Variants in BEST1 observed in about 807,000 individuals in gnomAD.
BEST1 encodes bestrophin 1.
Under a neutral mutation model 63.3 loss-of-function variants are expected in BEST1, and 58 were observed. The ratio of observed to expected loss-of-function variants is 0.92; its 90% CI spans 0.74 to 1.14. BEST1 has a LOEUF of 1.14. Ranked by LOEUF, BEST1 falls within the 50% of genes most tolerant of loss-of-function variation. The pLI is 0.00. For missense variants in BEST1, 671 were observed against 740.1 expected (o/e 0.91, Z 1.08); for synonymous variants, 283 against 291.6 (o/e 0.97, Z 0.30).
At chr11:61,950,161 C>T (rs554251975), upstream of BEST1, 74 of 152,614 alleles carry the variant, frequency 4.8e-4, no homozygotes, top group African/African-American at 1.7e-3. Flanking sequence ...TGGTCTCAGC[C>T]CAACACCCTC....
Position 61,962,626 on chromosome 11 carries a change from G to C in BEST1, c.1472G>C (p.Ser491Thr). Residue 491 changes from serine (S) to threonine (T), a missense_variant, in exon 10 of 11, where the codon AGT (serine) becomes ACT (threonine). Ser to Thr is a moderately conservative substitution (Grantham distance 58, BLOSUM62 1). Coordinates refer to ENST00000378043, the MANE Select transcript of BEST1 (RefSeq NM_004183.4). Reference sequence around the variant, plus strand: ...CCATCAGCGCCGTCAAAGCTTCACAGTGTCACAGGCATAGACACCAAAGAC... The same window carrying C: ...CCATCAGCGCCGTCAAAGCTTCACACTGTCACAGGCATAGACACCAAAGAC... Reference protein sequence around the residue: ...LEPSAPSKLHSVTGIDTKDKS... With the variant: ...LEPSAPSKLHTVTGIDTKDKS... 2 of 1,614,186 alleles carry C rather than the reference G, an allele frequency of 1.2e-6. No individual in the cohort carries two copies. Among genetic ancestry groups the C allele is most frequent in the Non-Finnish European group, 1.7e-6 (2 of 1,180,042 alleles).
At chr11:61,957,104 G>A (rs768885579) in intron 5 of BEST1, 106 bp downstream of exon 5, 3 of 1,538,900 alleles carry the variant, frequency 1.9e-6, no homozygotes, top group Admixed American at 3.6e-5. Context: ...AGGGTCTTCC[G>A]AGAGCCTGAG....
At chr11:61,956,691 C>T (rs954524171) in intron 4 of BEST1, among the ~76,000 whole-genome samples, 153 bp from the exon 5 acceptor site, 1 of 152,078 alleles carries the variant, frequency 6.6e-6, no homozygotes, top group African/African-American at 2.4e-5. Context: ...ACATGCTCAG[C>T]CCAGAACAGC....
chr11:61,955,107 G>T lies in BEST1; in HGVS notation c.153G>T (p.Arg51Ser). ...ATTCCACCCCCACCCCCACCCCCAG[G>T]CTGGCCCTCACGGAAGAACAACAGC... is the stretch of plus-strand genomic sequence containing the variant. ...LCYYIIRFIY[R>S]LALTEEQQLM... The change falls in exon 3 of 11, where the codon AGG becomes AGT. Residue 51 changes from arginine to serine, a missense_variant and splice_region_variant. Physicochemically the swap from Arg to Ser is moderately radical, Grantham distance 110. Transcript: ENST00000378043. The T allele has an allele frequency of 7.4e-7, 1 of 1,343,088 alleles. No individual in the cohort carries two copies. The highest frequency in any genetic ancestry group is 1.1e-6 in the Non-Finnish European group (1 of 941,200). 83.2% of individuals were successfully genotyped at this position (1,343,088 alleles called of 1,614,324 possible). A position where few individuals can be genotyped will look rare whatever the true frequency, so the allele number is the denominator to read the frequency against.
chr11:61,964,526 T>G (rs894933953), downstream of BEST1: 6 of 664,464 alleles, frequency 9.0e-6, no homozygotes, highest in African/African-American at 1.8e-5. Flanking sequence ...ATAGCCTGGA[T>G]AGATTTCTGA....
intron 1 of BEST1, among the ~76,000 whole-genome samples, chr11:61,950,629 C>A (rs1401331470): frequency 6.6e-6 from 1 of 152,200 alleles, no homozygotes; most frequent in African/African-American, 2.4e-5. Flanking sequence ...GTGGCTGCAG[C>A]AAAACACACA....
intron 9 of BEST1, 187 bp downstream of exon 9, chr11:61,960,230 C>G: frequency 1.2e-6 from 1 of 828,996 alleles, no homozygotes; most frequent in Non-Finnish European, 1.9e-6. Context: ...CCCAAGTTTT[C>G]AGATAATTAA....
At chr11:61,950,663 A>G (rs1474256360) in intron 1 of BEST1, among the ~76,000 whole-genome samples, 1 of 152,230 alleles carries the variant, frequency 6.6e-6, no homozygotes, top group Non-Finnish European at 1.5e-5. Context: ...GGGGGCATCA[A>G]TCACTGCTTC....
chr11:61,955,473 G>A (rs1263325632), intron 3 of BEST1: 3 of 1,272,976 alleles, frequency 2.4e-6, no homozygotes, highest in Middle Eastern at 2.8e-4. Context: ...TGCGCGGGAG[G>A]GGAGGGGGTC....
intron 10 of BEST1, 40 bp from the exon 11 acceptor site, chr11:61,964,064 C>A: frequency 1.2e-6 from 2 of 1,613,138 alleles, no homozygotes; most frequent in Non-Finnish European, 1.7e-6. Context: ...AATGAAGGGA[C>A]CTTCCATACT....
chr11:61,956,732 GT>G, intron 4 of BEST1, 111 bp from the exon 5 acceptor site: 1 of 1,393,298 alleles, frequency 7.2e-7, no homozygotes, highest in African/African-American at 1.4e-5. Context: ...TTTTTTTGTT[GT>G]TGAAAGAAAG....
At position 61,962,480 on chromosome 11, in the gene BEST1, C is replaced by T. The variant is rs759777954; in HGVS notation, c.1326C>T (p.Asn442=). ...AKQNVRGQED[N]KAWKLKAVDA... is the part of the protein sequence containing the mutation. The stretch of plus-strand genomic sequence containing the variant: ...AGAACGTTAGGGGCCAGGAAGACAA[C>T]AAGGCCTGGAAGCTTAAGGCTGTGG... The change falls in exon 10 of 11, where the codon AAC becomes AAT. Residue 442 remains asparagine (N), a synonymous_variant. Coordinates refer to ENST00000378043, the MANE Select transcript of BEST1 (RefSeq NM_004183.4). 1 of 1,614,208 alleles carries T rather than the reference C, an allele frequency of 6.2e-7. No homozygotes were observed. Among genetic ancestry groups the T allele is most frequent in the Non-Finnish European group, 8.5e-7 (1 of 1,180,034 alleles).
intron 2 of BEST1, among the ~76,000 whole-genome samples, chr11:61,953,278 C>T (rs139745332): frequency 0.012 from 1,801 of 152,016 alleles, 31 homozygotes; most frequent in African/African-American, 0.041. Flanking sequence ...CACCAAGGTA[C>T]TTTAAAAAAA....
intron 10 of BEST1, chr11:61,963,272 A>G: frequency 7.3e-7 from 1 of 1,372,484 alleles, no homozygotes; most frequent in South Asian, 2.0e-5. Flanking sequence ...CAAAACCATG[A>G]GGTGGCAGTC....
Position 61,955,784 on chromosome 11 carries a change from G to T in BEST1, c.314G>T (p.Arg105Leu). 1 of 1,549,146 alleles carries T rather than the reference G, an allele frequency of 6.5e-7. No individual in the cohort carries two copies. The highest frequency in any genetic ancestry group is 8.7e-7 in the Non-Finnish European group (1 of 1,146,486). ...TACGAGAACCTGCCGTGGCCCGACCGCCTCATGAGCCTGGTGTCGGGCTTC... is the reference window on the plus strand; with the variant it reads ...TACGAGAACCTGCCGTGGCCCGACCTCCTCATGAGCCTGGTGTCGGGCTTC... ...NQYENLPWPD[R>L]LMSLVSGFVE... The change falls in exon 4 of 11, where the codon CGC becomes CTC. Residue 105 changes from arginine (R) to leucine (L), a missense_variant. Physicochemically the swap from Arg to Leu is moderately radical, Grantham distance 102 (BLOSUM62 -2). Transcript: ENST00000378043.
chr11:61,962,682 A>G lies in BEST1; in HGVS notation c.1528A>G (p.Lys510Glu), dbSNP rs1345860061. The G allele has an allele frequency of 1.9e-6, 3 of 1,614,218 alleles. No individual in the cohort carries two copies. The South Asian group carries it at 3.3e-5, about 18-fold the overall frequency. ...KSLKTVSSGAKKSFELLSESD... is the reference protein window; with the variant it reads ...KSLKTVSSGAEKSFELLSESD... ...CTTAAAGACTGTGAGTTCTGGGGCC[A>G]AGAAAAGTTTTGAATTGCTCTCAGA... Residue 510 changes from lysine to glutamate, a missense_variant, in exon 10 of 11, where the codon AAG becomes GAG. Transcript: ENST00000378043.
intron 4 of BEST1, among the ~76,000 whole-genome samples, chr11:61,956,642 G>A (rs999300865): frequency 6.6e-6 from 1 of 152,108 alleles, no homozygotes; most frequent in Non-Finnish European, 1.5e-5. Flanking sequence ...CGGTGACAGA[G>A]CCAGACCCTT....
chr11:61,962,991 T>A (rs1942239200), intron 10 of BEST1, 98 bp downstream of exon 10: 1 of 1,605,878 alleles, frequency 6.2e-7, no homozygotes, highest in Admixed American at 1.7e-5. Context: ...TTTCCTAGGG[T>A]TCCATCACTG....
intron 6 of BEST1, 98 bp downstream of exon 6, chr11:61,957,562 G>A: frequency 6.8e-6 from 8 of 1,168,144 alleles, no homozygotes; most frequent in Non-Finnish European, 1.0e-5. Context: ...GAGGCTAAGT[G>A]GCTCCCCTGG....
Sources: allele counts gnomAD v4.1 joint callset (sites outside exome capture counted in the v4.1 genomes callset), GRCh38; gene constraint gnomAD v4.1.1; transcripts MANE v1.5; gene names NCBI Gene and HGNC (gene_info 2026-07-23, HGNC 2026-07-21).